The following DYDC2 variants were observed in gnomAD, a reference collection of about 807,000 sequenced individuals.
The protein encoded by DYDC2 is DPY30 domain-containing protein 2.
A neutral mutation model predicts 18.7 loss-of-function variants in DYDC2; 19 were observed. The ratio of observed to expected loss-of-function variants is 1.02; its 90% CI spans 0.71 to 1.49. The LOEUF (loss-of-function observed/expected upper bound fraction) is 1.49, where lower values mean the gene tolerates loss of function less well. Among genes scored for constraint, DYDC2 ranks in the 40% most tolerant of loss-of-function variants. DYDC2 has a pLI of 0.00. For synonymous variants in DYDC2, 63 were observed against 67.6 expected, an observed-to-expected ratio of 0.93 and a Z score of 0.34; for missense variants, 179 against 205.1, an observed-to-expected ratio of 0.87 and a Z score of 0.78.
upstream of DYDC2, chr10:80,352,662 T>C (rs915769290): frequency 2.4e-5 from 37 of 1,548,544 alleles, no homozygotes; most frequent in African/African-American, 4.3e-4. Context: ...ATAAAGTCAC[T>C]ATAAAACTAA....
rs1843493809 is a variant in DYDC2 at position 80,358,034 on chromosome 10, C to CT, written c.-20dup. ...TCTGGGAAACACTGAAAAATAGCCT[C>CT]TCCCCCCATTGGTGAGTGTACCCTA... On this transcript the variant is annotated 5_prime_UTR_variant, in exon 2 of 5. Coordinates refer to ENST00000256039, the MANE Select transcript of DYDC2 (RefSeq NM_032372.6). 13 of 985,582 alleles carry CT rather than the reference C, an allele frequency of 1.3e-5. No individual in the cohort carries two copies. The highest frequency in any genetic ancestry group is 1.6e-5 in the Non-Finnish European group (13 of 830,068). 61.1% of individuals were successfully genotyped at this position (985,582 alleles called of 1,614,324 possible). A position where few individuals can be genotyped will look rare whatever the true frequency, so the allele number is the denominator to read the frequency against.
chr10:80,344,776 T>C (rs931497721), exon 1 of DYDC2: 8 of 314,926 alleles, frequency 2.5e-5, no homozygotes, highest in Non-Finnish European at 3.7e-5. Context: ...GCCTTTCGCC[T>C]CCCACCATGA....
intron 2 of DYDC2, among the ~76,000 whole-genome samples, chr10:80,358,536 G>T (rs6585946): frequency 0.75 from 114,798 of 152,096 alleles, 44,223 homozygotes; most frequent in East Asian, 0.97. Context: ...TTAGAGTAGG[G>T]GGAGGTATGC....
chr10:80,354,121 T>TAA (rs373127565), upstream of DYDC2, among the ~76,000 whole-genome samples: 13,951 of 143,892 alleles, frequency 0.097, 909 homozygotes, highest in South Asian at 0.27. Context: ...GTCTCATATA[T>TAA]AAAAAAAAAT....
At position 80,367,142 on chromosome 10, in the gene DYDC2, G is replaced by A. The variant is rs1843862225; in HGVS notation, c.*191G>A. ...TAGGATAAAATAAACTCAGAATAAGGATTTAAAATAAGTAACCAAGTGGCT... is the reference window on the plus strand; with the variant it reads ...TAGGATAAAATAAACTCAGAATAAGAATTTAAAATAAGTAACCAAGTGGCT... On this transcript the variant is annotated 3_prime_UTR_variant, in exon 5 of 5. Transcript: ENST00000256039. 1.6e-6 allele frequency: 1 copy of A among 641,200 alleles called. No individual in the cohort carries two copies. The highest frequency in any genetic ancestry group is 1.9e-5 in the African/African-American group (1 of 52,836). The allele number at this position is 641,200 out of a possible 1,614,324, so 39.7% of individuals were successfully genotyped here.
rs916455150 is a variant in DYDC2 at position 80,356,823 on chromosome 10, T to C, written c.-165T>C. The C allele has an allele frequency of 1.0e-6, 1 of 982,116 alleles. No individual in the cohort carries two copies. Among genetic ancestry groups the C allele is most frequent in the Non-Finnish European group, 1.2e-6 (1 of 829,068 alleles). 60.8% of individuals were successfully genotyped at this position (982,116 alleles called of 1,614,324 possible). ...CCGCAAAGCGGAAGGGGCGCGCGGA[T>C]AGGTGAGCAGAGGGCACGCGGTGGG... On this transcript the variant is annotated splice_region_variant and 5_prime_UTR_variant, in exon 1 of 5. Transcript: ENST00000256039.
At chr10:80,366,342 C>T (rs573723616) in intron 4 of DYDC2, among the ~76,000 whole-genome samples, 1 of 152,064 alleles carries the variant, frequency 6.6e-6, no homozygotes, top group Non-Finnish European at 1.5e-5. Flanking sequence ...ATTCTGGGGC[C>T]TTTTTCTGTT....
chr10:80,351,533 T>C (rs1842974231), intron 1 of DYDC2, among the ~76,000 whole-genome samples: 1 of 148,126 alleles, frequency 6.8e-6, no homozygotes, highest in Non-Finnish European at 1.5e-5. Context: ...TACGGTGGCC[T>C]CTCATGAACA....
intron 4 of DYDC2, among the ~76,000 whole-genome samples, chr10:80,366,110 G>A (rs1483993328): frequency 4.6e-5 from 6 of 129,264 alleles, no homozygotes; most frequent in South Asian, 2.5e-4. Context: ...TTGGCTCACT[G>A]CAACCTCTGC....
At chr10:80,351,149 C>T (rs1321064025) in intron 1 of DYDC2, among the ~76,000 whole-genome samples, 1 of 152,214 alleles carries the variant, frequency 6.6e-6, no homozygotes, top group Non-Finnish European at 1.5e-5. Context: ...ACCTTACAAC[C>T]TTGTTCTTAG....
At chr10:80,362,283 C>G (rs1404450753) in intron 2 of DYDC2, among the ~76,000 whole-genome samples, 152 bp from the exon 3 acceptor site, 1 of 152,208 alleles carries the variant, frequency 6.6e-6, no homozygotes, top group African/African-American at 2.4e-5. Context: ...AATATAACAG[C>G]AAGTAAGTGT....
At chr10:80,349,113 G>A (rs941370049) in intron 1 of DYDC2, among the ~76,000 whole-genome samples, 2 of 152,056 alleles carry the variant, frequency 1.3e-5, no homozygotes. Context: ...GGATGGTCTC[G>A]ATCTCCTGAC....
chr10:80,365,250 G>A (rs552746941), intron 4 of DYDC2, among the ~76,000 whole-genome samples: 2 of 152,278 alleles, frequency 1.3e-5, no homozygotes, highest in South Asian at 2.1e-4. Flanking sequence ...TGTATCAAAA[G>A]AGGAACAGAA....
upstream of DYDC2, among the ~76,000 whole-genome samples, chr10:80,353,462 G>A (rs1015553130): frequency 6.0e-5 from 9 of 150,060 alleles, no homozygotes; most frequent in African/African-American, 2.0e-4. Context: ...GCGCCTGGCC[G>A]ACCAGATTGT....
At chr10:80,365,117 T>A (rs1004822764) in intron 4 of DYDC2, among the ~76,000 whole-genome samples, 1 of 152,212 alleles carries the variant, frequency 6.6e-6, no homozygotes, top group African/African-American at 2.4e-5. Flanking sequence ...CTGATATGCA[T>A]ATACTCAAAG....
rs115053567 is a variant in DYDC2 at position 80,349,647 on chromosome 10, T to C, written c.-310+4832T>C. Among the ~76,000 whole-genome samples the C allele has an allele frequency of 3.1e-3, 476 of 152,316 alleles. 3 individuals carry two copies. Among genetic ancestry groups the C allele is most frequent in the African/African-American group, 0.011 (455 of 41,574 alleles). ...AACAGTTTCAATCAACTTTCAGACATTGGTAGAGGAAGTTAAATAACTCCA... is the reference window on the plus strand; with the variant it reads ...AACAGTTTCAATCAACTTTCAGACACTGGTAGAGGAAGTTAAATAACTCCA... On this transcript the variant is annotated intron_variant, in intron 1 of 4. Transcript: ENST00000372197.
intron 2 of DYDC2, among the ~76,000 whole-genome samples, chr10:80,361,738 A>G (rs938755547): frequency 4.6e-5 from 7 of 152,190 alleles, no homozygotes; most frequent in Admixed American, 6.5e-5. Context: ...TTAATGGTCA[A>G]ACTGCCCCAG....
upstream of DYDC2, chr10:80,352,513 A>G (rs753223575): frequency 1.2e-6 from 2 of 1,613,644 alleles, no homozygotes; most frequent in Admixed American, 1.7e-5. Context: ...TAAATATTCT[A>G]TCGGATCCAC....
chr10:80,349,434 C>T (rs1842857738), intron 1 of DYDC2, among the ~76,000 whole-genome samples: 1 of 152,048 alleles, frequency 6.6e-6, no homozygotes. Flanking sequence ...TCAAATTTGC[C>T]TCTTGGCCTG....
Sources: gnomAD v4.1 joint callset for allele counts (sites outside exome capture counted in the v4.1 genomes callset) on GRCh38, gnomAD v4.1.1 for gene constraint, MANE v1.5 for transcripts, NCBI Gene and HGNC (gene_info 2026-07-23, HGNC 2026-07-21) for gene names.